Variants in MARCHF1 observed in about 807,000 individuals in gnomAD.
MARCHF1 encodes membrane associated ring-CH-type finger 1.
Under a neutral mutation model 54.2 loss-of-function variants are expected in MARCHF1, and 40 were observed. The observed-to-expected ratio is 0.74, with a 90% confidence interval of 0.57 to 0.96. The LOEUF is 0.96. MARCHF1 is among the 40% of genes least tolerant of loss of function. The pLI is 0.00. For missense variants in MARCHF1, 586 were observed against 656.5 expected (o/e 0.89, Z 1.17); for synonymous variants, 236 against 236.3 (o/e 1.00, Z 0.01).
At chr4:163,948,553 T>C (rs1752067489) in intron 3 of MARCHF1, among the ~76,000 whole-genome samples, 1 of 152,240 alleles carries the variant, frequency 6.6e-6, no homozygotes, top group Non-Finnish European at 1.5e-5. Context: ...AATTAAAGAC[T>C]GATCGAGGAT....
intron 4 of MARCHF1, among the ~76,000 whole-genome samples, chr4:163,755,832 T>C (rs571267916): frequency 2.2e-3 from 340 of 152,280 alleles, no homozygotes; most frequent in Middle Eastern, 6.8e-3. Context: ...CTGGAACATA[T>C]AGACAACTAT....
rs116995225 is a variant in MARCHF1, at chr4:163,568,961, T to C, written c.1191+16788A>G. Reference sequence around the variant, plus strand: ...ATCTAAATTCCAGCACTCAAAAGACTGTCTGTAGCAGTTGGGGCCAAGTAG... The same window carrying C: ...ATCTAAATTCCAGCACTCAAAAGACCGTCTGTAGCAGTTGGGGCCAAGTAG... On this transcript the variant is annotated intron_variant, in intron 8 of 9. Coordinates refer to ENST00000514618, the MANE Select transcript of MARCHF1 (RefSeq NM_001394959.1). Among the ~76,000 whole-genome samples, 50 of 152,260 alleles carry C rather than the reference T, an allele frequency of 3.3e-4. No homozygotes were observed. The East Asian group carries it at 9.5e-3, about 29-fold the overall frequency.
chr4:164,056,588 AT>A (rs1424312730), intron 2 of MARCHF1, among the ~76,000 whole-genome samples: 2 of 152,096 alleles, frequency 1.3e-5, no homozygotes, highest in Non-Finnish European at 2.9e-5. Flanking sequence ...TAGTATTGTT[AT>A]CCATTTCCGA....
At chr4:164,089,370 T>G (rs1579523620) in intron 2 of MARCHF1, among the ~76,000 whole-genome samples, 1 of 152,270 alleles carries the variant, frequency 6.6e-6, no homozygotes. Context: ...TAATTTCTAC[T>G]AAAAATTGTG....
chr4:164,066,740 C>T (rs1427975484), intron 2 of MARCHF1, among the ~76,000 whole-genome samples: 2 of 151,998 alleles, frequency 1.3e-5, no homozygotes, highest in Non-Finnish European at 2.9e-5. Flanking sequence ...GAGCTAGAGG[C>T]CATTACCCTT....
intron 4 of MARCHF1, among the ~76,000 whole-genome samples, chr4:163,820,469 C>A (rs1406420543): frequency 6.6e-6 from 1 of 152,026 alleles, no homozygotes; most frequent in Non-Finnish European, 1.5e-5. Flanking sequence ...AAAAATCATT[C>A]ATGCTCACAG....
chr4:164,212,391 G>A (rs1442128569), intron 1 of MARCHF1, among the ~76,000 whole-genome samples: 1 of 152,176 alleles, frequency 6.6e-6, no homozygotes, highest in Non-Finnish European at 1.5e-5. Context: ...CAAGGTGCCA[G>A]TGTTTCTGTC....
chr4:163,653,709 G>A (rs1352908863), intron 5 of MARCHF1, among the ~76,000 whole-genome samples: 1 of 151,718 alleles, frequency 6.6e-6, no homozygotes, highest in African/African-American at 2.4e-5. Context: ...GGAACTAGAT[G>A]AGTGGATTTG....
At chr4:163,820,662 A>G (rs1370572226) in intron 4 of MARCHF1, among the ~76,000 whole-genome samples, 1 of 152,078 alleles carries the variant, frequency 6.6e-6, no homozygotes, top group African/African-American at 2.4e-5. Context: ...ATAATAACCC[A>G]TTCATCAAAG....
chr4:164,338,747 T>C (rs1017263311), intron 1 of MARCHF1, among the ~76,000 whole-genome samples: 3 of 152,010 alleles, frequency 2.0e-5, no homozygotes, highest in Admixed American at 6.6e-5. Context: ...CCAAGGTAGG[T>C]GGATCACCTG....
chr4:163,596,473 G>C (rs529783105), intron 7 of MARCHF1, among the ~76,000 whole-genome samples: 5 of 145,578 alleles, frequency 3.4e-5, no homozygotes, highest in Admixed American at 7.1e-5. Context: ...TCGGGAGGCA[G>C]AGGTTACAGT....
At chr4:164,310,117 C>T (rs1181833682) in intron 1 of MARCHF1, among the ~76,000 whole-genome samples, 6 of 151,836 alleles carry the variant, frequency 4.0e-5, no homozygotes, top group East Asian at 1.9e-4. Flanking sequence ...CTCGCTCTGT[C>T]GCCAGGCTGG....
chr4:164,337,586 T>A (rs1406478654), intron 1 of MARCHF1, among the ~76,000 whole-genome samples: 6 of 152,234 alleles, frequency 3.9e-5, no homozygotes, highest in Admixed American at 1.3e-4. Flanking sequence ...GTAACCAATC[T>A]GTGGACAACC....
chr4:163,625,383 G>GA (rs938960030), intron 5 of MARCHF1, among the ~76,000 whole-genome samples: 6 of 152,046 alleles, frequency 3.9e-5, no homozygotes, highest in African/African-American at 1.2e-4. Context: ...ACCACTTTGA[G>GA]AAAAAAAGGC....
At position 164,259,573 on chromosome 4, in the gene MARCHF1, GAAAAAGAAAAAAGAAAA is replaced by G. The variant is rs1258307580; in HGVS notation, c.-323+124280_-323+124296del. 5.0e-3 allele frequency among the ~76,000 whole-genome samples: 610 copies of G among 122,994 alleles called. 6 individuals are homozygous for G. Among genetic ancestry groups the G allele is most frequent in the Middle Eastern group, 0.019 (4 of 210 alleles). 80.7% of individuals were successfully genotyped at this position (122,994 alleles called of 152,430 possible). On this transcript the variant is annotated intron_variant, in intron 1 of 9. Transcript: ENST00000514618. ...AAAAAAAAAAAAAAAAAAGAAAAAA[GAAAAAGAAAAAAGAAAA>G]AAAAAAGAAAAGAAGAAGTATAGCC...
chr4:163,704,646 C>G (rs1478676089), intron 4 of MARCHF1, among the ~76,000 whole-genome samples: 28 of 151,104 alleles, frequency 1.9e-4, no homozygotes, highest in Admixed American at 1.9e-3. Context: ...TTATATAATA[C>G]TTGGTCCAAA....
At position 163,613,377 on chromosome 4, in the gene MARCHF1, G is replaced by A. The variant is rs369847055; in HGVS notation, c.179C>T (p.Thr60Ile). Residue 60 changes from threonine to isoleucine, a missense_variant, in exon 6 of 10, where the codon ACA becomes ATA. By Grantham distance (89) the Thr-to-Ile change is moderately conservative. Coordinates refer to ENST00000514618, the MANE Select transcript of MARCHF1 (RefSeq NM_001394959.1). ...SNISKASSPT[T>I]GTAPRSQSRL... is the part of the protein sequence containing the mutation. ...TGACTGGCTCCTGGGAGCTGTCCCT[G>A]TTGTTGGGCTGCTTGCCTGGAGAAA... 2.2e-5 allele frequency: 35 copies of A among 1,613,214 alleles called. No homozygotes were observed. The highest frequency in any genetic ancestry group is 2.8e-5 in the Non-Finnish European group (33 of 1,179,548).
intron 7 of MARCHF1, among the ~76,000 whole-genome samples, chr4:163,592,408 C>A (rs753448423): frequency 6.6e-6 from 1 of 152,104 alleles, no homozygotes; most frequent in Non-Finnish European, 1.5e-5. Flanking sequence ...ACCATCTGCA[C>A]AGAGCTGTAG....
In MARCHF1 at chr4:164,127,888, G is replaced by A. The variant is rs189763637; in HGVS notation, c.-322-16226C>T. Reference sequence around the variant, plus strand: ...TACAAGTGGCAGACACAACAATGGAGAATTAGTGAGCACCTCCTGAAAAAG... The same window carrying A: ...TACAAGTGGCAGACACAACAATGGAAAATTAGTGAGCACCTCCTGAAAAAG... On this transcript the variant is annotated intron_variant, in intron 1 of 9. Coordinates refer to ENST00000514618, the MANE Select transcript of MARCHF1 (RefSeq NM_001394959.1). Among the ~76,000 whole-genome samples the A allele has an allele frequency of 1.1e-3, 170 of 152,174 alleles. 3 individuals are homozygous for A. The highest frequency in any genetic ancestry group is 1.1e-3 in the Non-Finnish European group (73 of 67,978).
Sources: allele counts gnomAD v4.1 joint callset (sites outside exome capture counted in the v4.1 genomes callset), GRCh38; gene constraint gnomAD v4.1.1; transcripts MANE v1.5; gene names NCBI Gene and HGNC (gene_info 2026-07-23, HGNC 2026-07-21).